TLL1: variants seen among roughly 807,000 people sequenced by gnomAD.
The protein encoded by TLL1 is tolloid-like protein 1.
Under a neutral mutation model 128.2 loss-of-function variants are expected in TLL1, and 49 were observed. The ratio of observed to expected loss-of-function variants is 0.38; its 90% CI spans 0.30 to 0.48. The LOEUF is 0.48. Ranked by LOEUF, TLL1 falls within the 20% of genes least tolerant of loss-of-function variation. The pLI, the probability that TLL1 is intolerant of heterozygous loss-of-function variation, is 0.96. For synonymous variants in TLL1, 454 were observed against 418.8 expected (o/e 1.08, Z -1.03); for missense variants, 1,123 against 1,242.0 (o/e 0.90, Z 1.44).
chr4:165,973,967 G>A (rs989397334), intron 1 of TLL1, among the ~76,000 whole-genome samples: 3 of 150,672 alleles, frequency 2.0e-5, no homozygotes, highest in African/African-American at 7.3e-5. Flanking sequence ...TGCCCAACCA[G>A]CGTTAGTTCT....
intron 1 of TLL1, among the ~76,000 whole-genome samples, chr4:165,942,260 C>A (rs896215966): frequency 6.6e-6 from 1 of 150,716 alleles, no homozygotes. Context: ...CTCCAAGGTG[C>A]TTCCCACCAC....
chr4:166,002,933 T>C (rs7671249), intron 5 of TLL1, among the ~76,000 whole-genome samples: 92,539 of 151,968 alleles, frequency 0.61, 28,636 homozygotes, highest in Admixed American at 0.69. Context: ...TGAAATAATA[T>C]TGAATTATTG....
chr4:166,093,279 C>CAA (rs1741861241), intron 19 of TLL1, among the ~76,000 whole-genome samples: 2 of 152,068 alleles, frequency 1.3e-5, no homozygotes, highest in South Asian at 4.1e-4. Context: ...AAGAGGAATG[C>CAA]GCTAGGAGAG....
At chr4:165,917,213 GA>G (rs958109849) in intron 1 of TLL1, among the ~76,000 whole-genome samples, 2 of 150,184 alleles carry the variant, frequency 1.3e-5, no homozygotes, top group East Asian at 1.9e-4. Flanking sequence ...TTCTGAAATT[GA>G]AAAAAAAATC....
At chr4:165,892,202 C>T (rs770991481) in intron 1 of TLL1, among the ~76,000 whole-genome samples, 3 of 152,198 alleles carry the variant, frequency 2.0e-5, no homozygotes, top group East Asian at 1.9e-4. Context: ...TACTTCCCAC[C>T]GGTCCCTGCA....
intron 7 of TLL1, among the ~76,000 whole-genome samples, chr4:166,012,826 T>G (rs1292970665): frequency 6.6e-6 from 1 of 151,756 alleles, no homozygotes; most frequent in Non-Finnish European, 1.5e-5. Flanking sequence ...TGTAGATGTT[T>G]AGATCTTGTA....
At chr4:165,988,278 G>A (rs1001133886) in intron 1 of TLL1, among the ~76,000 whole-genome samples, 3 of 152,000 alleles carry the variant, frequency 2.0e-5, no homozygotes, top group Non-Finnish European at 4.4e-5. Context: ...GGTTTATAGA[G>A]CTTTGCTTTA....
chr4:165,992,165 A>T (rs1736670515), intron 2 of TLL1, among the ~76,000 whole-genome samples: 2 of 152,076 alleles, frequency 1.3e-5, no homozygotes, highest in African/African-American at 4.8e-5. Context: ...GTTTTTTATA[A>T]ATTTTTCAAA....
At chr4:165,994,617 C>T in intron 4 of TLL1, 84 bp downstream of exon 4, 1 of 1,476,104 alleles carries the variant, frequency 6.8e-7, no homozygotes, top group Non-Finnish European at 9.3e-7. Flanking sequence ...AGAATATTAA[C>T]ATAAGATACA....
chr4:165,959,560 G>GA (rs1392983960), intron 1 of TLL1, among the ~76,000 whole-genome samples: 4 of 151,966 alleles, frequency 2.6e-5, no homozygotes, highest in Non-Finnish European at 5.9e-5. Context: ...TCTCCACATG[G>GA]AACATACTTG....
chr4:165,971,396 C>T (rs908276803), intron 1 of TLL1, among the ~76,000 whole-genome samples: 8 of 152,178 alleles, frequency 5.3e-5, no homozygotes, highest in African/African-American at 1.4e-4. Flanking sequence ...TGATGCCAGA[C>T]GTATTACTCC....
chr4:166,020,666 T>G (rs1014683878), intron 8 of TLL1, among the ~76,000 whole-genome samples: 1 of 152,220 alleles, frequency 6.6e-6, no homozygotes, highest in African/African-American at 2.4e-5. Flanking sequence ...ATCTGCATTT[T>G]ATCTTAATTT....
At chr4:166,049,735 A>G (rs55957402) in intron 12 of TLL1, among the ~76,000 whole-genome samples, 17,897 of 150,732 alleles carry the variant, frequency 0.12, 1,126 homozygotes, top group African/African-American at 0.17. Flanking sequence ...TATGTTTTAA[A>G]CTTTTCACCT....
At chr4:165,884,918 C>T (rs956384224) in intron 1 of TLL1, among the ~76,000 whole-genome samples, 1 of 152,052 alleles carries the variant, frequency 6.6e-6, no homozygotes, top group Non-Finnish European at 1.5e-5. Flanking sequence ...TTTGGTAGAG[C>T]ACAATTCTGT....
At chr4:166,080,699 G>A (rs72976336) in intron 18 of TLL1, among the ~76,000 whole-genome samples, 4,034 of 152,228 alleles carry the variant, frequency 0.026, 161 homozygotes, top group African/African-American at 0.083. Flanking sequence ...GTGTATGAAG[G>A]AGGGTGTTAG....
intron 19 of TLL1, among the ~76,000 whole-genome samples, chr4:166,092,991 G>A (rs981693446): frequency 6.7e-6 from 1 of 150,348 alleles, no homozygotes. Context: ...GCCCGTGCAC[G>A]CCATTTGCGG....
intron 1 of TLL1, among the ~76,000 whole-genome samples, chr4:165,945,442 G>A (rs1008250955): frequency 6.6e-6 from 1 of 152,078 alleles, no homozygotes; most frequent in Admixed American, 6.6e-5. Flanking sequence ...GAGAGAGAAT[G>A]GTTGGTGATT....
In TLL1 at chr4:166,052,965, G is replaced by GTGTGTA; in HGVS notation, c.1525-2110_1525-2109insGTGTAT. ...TAAAGACTGAGATAAGAGGTTATGT[G>GTGTGTA]TATATATATATATATATTTGGCCAA... On this transcript the variant is annotated intron_variant, in intron 12 of 20. Coordinates refer to ENST00000061240, the MANE Select transcript of TLL1 (RefSeq NM_012464.5). Among the ~76,000 whole-genome samples the GTGTGTA allele has an allele frequency of 1.4e-4, 14 of 99,674 alleles. 1 individual carries two copies. Among genetic ancestry groups the GTGTGTA allele is most frequent in the Non-Finnish European group, 2.1e-4 (10 of 46,708 alleles). 65.4% of individuals were successfully genotyped at this position (99,674 alleles called of 152,430 possible).
chr4:166,051,769 A>C (rs1287998698), intron 12 of TLL1, among the ~76,000 whole-genome samples: 2 of 152,238 alleles, frequency 1.3e-5, no homozygotes, highest in Non-Finnish European at 2.9e-5. Flanking sequence ...AAATATCATA[A>C]ATTCATGTAG....
Sources: allele counts gnomAD v4.1 joint callset (sites outside exome capture counted in the v4.1 genomes callset), GRCh38; gene constraint gnomAD v4.1.1; transcripts MANE v1.5; gene names NCBI Gene and HGNC (gene_info 2026-07-23, HGNC 2026-07-21).